Variants in ASAP2 observed in about 807,000 individuals in gnomAD.
The protein encoded by ASAP2 is ArfGAP with SH3 domain, ankyrin repeat and PH domain 2.
Under a neutral mutation model 131.4 loss-of-function variants are expected in ASAP2, and 45 were observed. The observed-to-expected ratio is 0.34, with a 90% CI of 0.27 to 0.44. The LOEUF (loss-of-function observed/expected upper bound fraction) is 0.44. ASAP2 is among the 20% of genes least tolerant of loss of function. ASAP2 has a pLI of 1.00. For missense variants in ASAP2, 1,011 were observed against 1,297.0 expected (o/e 0.78, Z 3.39); for synonymous variants, 510 against 503.0 (o/e 1.01, Z -0.19).
chr2:9,228,999 C>T (rs1008947251), intron 1 of ASAP2, among the ~76,000 whole-genome samples: 6 of 152,132 alleles, frequency 3.9e-5, no homozygotes, highest in African/African-American at 1.4e-4. Flanking sequence ...CTGCCGGGCT[C>T]CATTCCGAAA....
intron 2 of ASAP2, among the ~76,000 whole-genome samples, chr2:9,282,556 C>T (rs1319244186): frequency 1.6e-4 from 24 of 152,296 alleles, no homozygotes; most frequent in South Asian, 2.1e-4. Flanking sequence ...TGAGTGCCAG[C>T]GACCACAGTT....
chr2:9,321,433 C>T (rs114805600), intron 5 of ASAP2, among the ~76,000 whole-genome samples: 170 of 152,282 alleles, frequency 1.1e-3, no homozygotes, highest in Non-Finnish European at 2.0e-3. Flanking sequence ...CCATTCAGCC[C>T]AGGGAGGCCC....
At chr2:9,302,798 T>A (rs1668583842) in intron 3 of ASAP2, among the ~76,000 whole-genome samples, 2 of 152,120 alleles carry the variant, frequency 1.3e-5, no homozygotes, top group African/African-American at 4.8e-5. Flanking sequence ...ATTACAGGTG[T>A]GAGCCACCAC....
intron 1 of ASAP2, among the ~76,000 whole-genome samples, chr2:9,213,820 G>A (rs542882252): frequency 6.6e-6 from 1 of 152,308 alleles, no homozygotes; most frequent in East Asian, 1.9e-4. Flanking sequence ...AGCTGTTGCT[G>A]TCTAGAGCTA....
rs954432029 is a variant in ASAP2, at chr2:9,247,374, C to T, written c.127-31943C>T. 3.3e-5 allele frequency among the ~76,000 whole-genome samples: 5 copies of T among 152,288 alleles called. No individual in the cohort carries two copies. In the South Asian group the frequency reaches 6.2e-4, roughly 19 times the overall value. On this transcript the variant is annotated intron_variant, in intron 1 of 27. Transcript: ENST00000281419. ...TGCCTAGGGAGTCCCAGACGGTCCC[C>T]GGTCCTCATTTGCACGAGGCGAATC...
intron 1 of ASAP2, among the ~76,000 whole-genome samples, chr2:9,270,999 T>C (rs1471266616): frequency 1.3e-5 from 2 of 151,712 alleles, no homozygotes; most frequent in African/African-American, 4.8e-5. Flanking sequence ...TTCACCGTGT[T>C]AGCCAGGATA....
chr2:9,389,930 T>C lies in ASAP2; in HGVS notation c.2384-1132T>C, dbSNP rs1341154493. On this transcript the variant is annotated intron_variant, in intron 22 of 27. Coordinates refer to ENST00000281419, the MANE Select transcript of ASAP2 (RefSeq NM_003887.3). The surrounding 1 kb of genome is among the most constrained non-coding windows in gnomAD (Gnocchi z 4.7). Reference sequence around the variant, plus strand: ...CTTTCTCCCCGCCTCTCCCAGATCCTGCAGGCAGGCATCAATTTTCTACGG... The same window carrying C: ...CTTTCTCCCCGCCTCTCCCAGATCCCGCAGGCAGGCATCAATTTTCTACGG... 1.3e-5 allele frequency among the ~76,000 whole-genome samples: 2 copies of C among 152,208 alleles called. No individual in the cohort carries two copies. The highest frequency in any genetic ancestry group is 2.9e-5 in the Non-Finnish European group (2 of 68,030).
In ASAP2 at chr2:9,272,851, T is replaced by C. The variant is rs151183840; in HGVS notation, c.127-6466T>C. ...ATGTTCTTGGCACATTTGTAAAAAA[T>C]GAGTTCACTGTAAATGTATGGATTT... On this transcript the variant is annotated intron_variant, in intron 1 of 27. Coordinates refer to ENST00000281419, the MANE Select transcript of ASAP2 (RefSeq NM_003887.3). 6.7e-4 allele frequency among the ~76,000 whole-genome samples: 102 copies of C among 152,330 alleles called. 2 individuals carry two copies. The East Asian group carries it at 0.015, about 23-fold the overall frequency.
rs373169062 is a variant in ASAP2 at position 9,385,255 on chromosome 2, C to A, written c.2027C>A (p.Ala676Asp). The A allele has an allele frequency of 1.2e-6, 2 of 1,613,612 alleles. No homozygotes were observed. The highest frequency in any genetic ancestry group is 1.7e-6 in the Non-Finnish European group (2 of 1,179,496). Residue 676 changes from alanine to aspartate, a missense_variant, in exon 21 of 28, where the codon GCC (alanine) becomes GAC (aspartate). Physicochemically the swap from Ala to Asp is moderately radical, Grantham distance 126. Coordinates refer to ENST00000281419, the MANE Select transcript of ASAP2 (RefSeq NM_003887.3). ...HEHCEELLTQALSGRFNSHVH... is the reference protein window; with the variant it reads ...HEHCEELLTQDLSGRFNSHVH... ...CCTCTGTTCTCTCAGCTGACCCAAG[C>A]CTTATCTGGAAGATTTAATTCTCAC...
At chr2:9,234,556 G>A (rs1663405100) in intron 1 of ASAP2, among the ~76,000 whole-genome samples, 1 of 152,214 alleles carries the variant, frequency 6.6e-6, no homozygotes, top group Non-Finnish European at 1.5e-5. Flanking sequence ...AGACCAGGGA[G>A]GGGACAGATG....
intron 1 of ASAP2, among the ~76,000 whole-genome samples, chr2:9,273,525 G>C (rs370992889): frequency 6.6e-6 from 1 of 152,224 alleles, no homozygotes; most frequent in East Asian, 1.9e-4. Context: ...TTCACGCAGA[G>C]CCAGCTGTGC....
At chr2:9,395,864 C>T (rs185007548) in intron 24 of ASAP2, among the ~76,000 whole-genome samples, 18 of 152,098 alleles carry the variant, frequency 1.2e-4, no homozygotes, top group Non-Finnish European at 2.4e-4. Context: ...TCCTCGGCCT[C>T]CCAAAGTGCT....
chr2:9,401,213 T>A, intron 26 of ASAP2, 61 bp from the exon 27 acceptor site: 2 of 1,598,784 alleles, frequency 1.3e-6, no homozygotes, highest in Non-Finnish European at 1.7e-6. Context: ...GTGCTTGAGC[T>A]CTCTGCCCTG....
chr2:9,351,835 C>T (rs563374630), intron 12 of ASAP2, among the ~76,000 whole-genome samples: 7 of 152,334 alleles, frequency 4.6e-5, no homozygotes, highest in East Asian at 3.9e-4. Flanking sequence ...TTCCCCTTCT[C>T]ATACCCTCTG....
At position 9,230,314 on chromosome 2, in the gene ASAP2, T is replaced by C. The variant is rs116950540; in HGVS notation, c.126+23084T>C. Among the ~76,000 whole-genome samples, 188 of 152,304 alleles carry C rather than the reference T, an allele frequency of 1.2e-3. 2 individuals carry two copies. The East Asian group carries it at 0.033, about 27-fold the overall frequency. ...TCTGGCCAGGGACCCAGAGGACCAG[T>C]GTTGGGGACCCAGAGGGGCTGCGTG... On this transcript the variant is annotated intron_variant, in intron 1 of 27. Coordinates refer to ENST00000281419, the MANE Select transcript of ASAP2 (RefSeq NM_003887.3).
chr2:9,251,105 C>T (rs1664672253), intron 1 of ASAP2, among the ~76,000 whole-genome samples: 1 of 152,202 alleles, frequency 6.6e-6, no homozygotes, highest in African/African-American at 2.4e-5. Flanking sequence ...ACAGGTTCTT[C>T]AGGGAATAAG....
intron 3 of ASAP2, 149 bp downstream of exon 3, chr2:9,297,594 C>A: frequency 1.0e-6 from 1 of 967,194 alleles, no homozygotes; most frequent in Non-Finnish European, 1.5e-6. Context: ...CACATTGGGT[C>A]AGTTTGGAAT....
chr2:9,228,772 T>C (rs551782016), intron 1 of ASAP2, among the ~76,000 whole-genome samples: 2 of 152,308 alleles, frequency 1.3e-5, no homozygotes, highest in South Asian at 4.1e-4. Flanking sequence ...ATACCTAATA[T>C]ATGTAAATGT....
At chr2:9,209,163 C>CAAG (rs1661356874) in intron 1 of ASAP2, among the ~76,000 whole-genome samples, 1 of 152,118 alleles carries the variant, frequency 6.6e-6, no homozygotes, top group African/African-American at 2.4e-5. Flanking sequence ...CGTCTAAGCC[C>CAAG]AAGAATTGGT....
Sources: gnomAD v4.1 joint callset for allele counts (sites outside exome capture counted in the v4.1 genomes callset) on GRCh38, gnomAD v4.1.1 for gene constraint, Gnocchi (gnomAD v3.1) non-coding constraint, MANE v1.5 for transcripts, NCBI Gene and HGNC (gene_info 2026-07-23, HGNC 2026-07-21) for gene names.